Variants in PCDH15 observed in about 807,000 individuals in gnomAD.
PCDH15 encodes the protein protocadherin related 15, also known as protocadherin-15.
A neutral mutation model predicts 178.5 loss-of-function variants in PCDH15; 129 were observed. The observed-to-expected ratio is 0.72, with a 90% CI of 0.63 to 0.84. The LOEUF (loss-of-function observed/expected upper bound fraction) is 0.84. PCDH15 is among the 40% of genes least tolerant of loss of function. The pLI, the probability that PCDH15 is intolerant of heterozygous loss-of-function variation, is 0.00. For missense variants in PCDH15, 2,230 were observed against 2,099.9 expected (o/e 1.06, Z -1.21); for synonymous variants, 800 against 732.0 (o/e 1.09, Z -1.50).
intron 21 of PCDH15, among the ~76,000 whole-genome samples, chr10:53,967,199 T>G (rs2089127646): frequency 3.9e-5 from 6 of 152,130 alleles, no homozygotes; most frequent in Admixed American, 3.3e-4. Flanking sequence ...TATAAAGGGC[T>G]TTTCCCCCTT....
chr10:53,961,604 T>C (rs2088321883), intron 22 of PCDH15, 148 bp downstream of exon 22: 1 of 557,160 alleles, frequency 1.8e-6, no homozygotes, highest in African/African-American at 1.9e-5. Context: ...ACTATTTTTG[T>C]AAGTTTCTAA....
chr10:54,041,325 C>T (rs548247882), intron 18 of PCDH15, among the ~76,000 whole-genome samples: 66 of 152,148 alleles, frequency 4.3e-4, no homozygotes, highest in African/African-American at 1.6e-3. Flanking sequence ...TTTGATTTGA[C>T]TTAACCATAC....
chr10:53,924,279 C>G (rs1589441711), intron 25 of PCDH15, among the ~76,000 whole-genome samples: 1 of 152,172 alleles, frequency 6.6e-6, no homozygotes, highest in Admixed American at 6.5e-5. Flanking sequence ...CTCAGAGCGG[C>G]CGGCTGGCAC....
chr10:54,000,170 A>G (rs1266855679), intron 20 of PCDH15, among the ~76,000 whole-genome samples: 1 of 152,174 alleles, frequency 6.6e-6, no homozygotes, highest in African/African-American at 2.4e-5. Context: ...CTTTAGCAAC[A>G]CCTACATCCT....
intron 1 of PCDH15, among the ~76,000 whole-genome samples, chr10:54,751,162 T>C (rs1221449503): frequency 6.6e-6 from 1 of 152,152 alleles, no homozygotes; most frequent in Non-Finnish European, 1.5e-5. Flanking sequence ...GTTTTCAAAG[T>C]ATCATTTAGA....
chr10:55,023,232 G>A (rs1020762432), intron 2 of PCDH15, among the ~76,000 whole-genome samples: 44 of 152,060 alleles, frequency 2.9e-4, no homozygotes, highest in Non-Finnish European at 5.0e-4. Flanking sequence ...ATGAGCCACC[G>A]CGCCCGGTTT....
At chr10:54,980,009 A>C (rs1211136523) in intron 2 of PCDH15, among the ~76,000 whole-genome samples, 2 of 152,138 alleles carry the variant, frequency 1.3e-5, no homozygotes, top group African/African-American at 4.8e-5. Flanking sequence ...AACATTTGTG[A>C]ACATCTGCAA....
At chr10:54,452,428 T>C (rs2076536674) in intron 3 of PCDH15, 1 of 152,068 alleles carries the variant, frequency 6.6e-6, no homozygotes. Context: ...TGCTAATAAA[T>C]CAATTATCCA....
intron 13 of PCDH15, among the ~76,000 whole-genome samples, chr10:54,171,751 G>A (rs2046931483): frequency 6.6e-6 from 1 of 151,954 alleles, no homozygotes; most frequent in African/African-American, 2.4e-5. Context: ...TTTTATACCT[G>A]TTTTTCTCCT....
intron 3 of PCDH15, among the ~76,000 whole-genome samples, chr10:54,866,128 T>C (rs1953937217): frequency 6.6e-6 from 1 of 152,184 alleles, no homozygotes. Context: ...CTACTTCAGC[T>C]ATGCACTCAG....
intron 2 of PCDH15, among the ~76,000 whole-genome samples, chr10:55,397,688 C>T (rs1176358470): frequency 6.6e-6 from 1 of 152,052 alleles, no homozygotes; most frequent in African/African-American, 2.4e-5. Context: ...CGGGTTCAAG[C>T]AATTCTCCTG....
intron 2 of PCDH15, among the ~76,000 whole-genome samples, chr10:54,547,177 A>C: frequency 6.6e-6 from 1 of 152,300 alleles, no homozygotes; most frequent in Admixed American, 6.5e-5. Flanking sequence ...AAAGGAAGTT[A>C]ATAAGAGTTT....
At chr10:54,386,881 G>A (rs561248758) in intron 3 of PCDH15, among the ~76,000 whole-genome samples, 1 of 152,174 alleles carries the variant, frequency 6.6e-6, no homozygotes, top group East Asian at 1.9e-4. Context: ...AGGTGGTGCA[G>A]CCCAAAATTT....
At chr10:54,351,840 C>A (rs1390088353) in intron 5 of PCDH15, among the ~76,000 whole-genome samples, 5 of 152,106 alleles carry the variant, frequency 3.3e-5, no homozygotes, top group Admixed American at 3.3e-4. Flanking sequence ...AGTTTTCCTA[C>A]AAGAAAATTT....
chr10:54,078,041 C>A (rs568545639), intron 17 of PCDH15, among the ~76,000 whole-genome samples: 1 of 152,162 alleles, frequency 6.6e-6, no homozygotes, highest in Non-Finnish European at 1.5e-5. Flanking sequence ...CCAGCCTGGG[C>A]AACAAGAGCG....
At chr10:55,181,847 T>A (rs956633520) in intron 1 of PCDH15, among the ~76,000 whole-genome samples, 1 of 151,966 alleles carries the variant, frequency 6.6e-6, no homozygotes, top group Non-Finnish European at 1.5e-5. Context: ...TTAAGTAGGA[T>A]TTTATAAATT....
chr10:55,444,016 C>T (rs1403767676), intron 2 of PCDH15, among the ~76,000 whole-genome samples: 1 of 151,948 alleles, frequency 6.6e-6, no homozygotes, highest in East Asian at 1.9e-4. Flanking sequence ...CCATCATTCT[C>T]TGCAAACTAA....
chr10:54,062,257 A>AAAAAAAAAAAAAAAAG (rs2094042936), intron 18 of PCDH15, among the ~76,000 whole-genome samples: 1 of 107,522 alleles, frequency 9.3e-6, no homozygotes, highest in Non-Finnish European at 2.0e-5. Flanking sequence ...AAAAAACAAA[A>AAAAAAAAAAAAAAAAG]AACAACTAAA....
At position 54,447,529 on chromosome 10, in the gene PCDH15, C is replaced by T. The variant is rs115065891; in HGVS notation, c.158-68587G>A. 2.1e-3 allele frequency among the ~76,000 whole-genome samples: 316 copies of T among 151,682 alleles called. 3 individuals are homozygous for T. The highest frequency in any genetic ancestry group is 0.02 in the Middle Eastern group (6 of 294). ...GCTTATTTCACTTGACATAAAGTCT[C>T]CCAGGTTCATACGTGTTGTTGCACA... On this transcript the variant is annotated intron_variant, in intron 3 of 37. Transcript: ENST00000644397.
Sources: gnomAD v4.1 joint callset for allele counts (sites outside exome capture counted in the v4.1 genomes callset) on GRCh38, gnomAD v4.1.1 for gene constraint, MANE v1.5 for transcripts, NCBI Gene and HGNC (gene_info 2026-07-23, HGNC 2026-07-21) for gene names.